VAV3: variants seen among roughly 807,000 people sequenced by gnomAD.
VAV3 encodes guanine nucleotide exchange factor VAV3.
Under a neutral mutation model 131.2 loss-of-function variants are expected in VAV3, and 94 were observed. The observed-to-expected ratio is 0.72, with a 90% CI of 0.61 to 0.85. VAV3 has a LOEUF of 0.85. Among genes scored for constraint, VAV3 ranks in the 40% least tolerant of loss-of-function variants. The probability of loss-of-function intolerance (pLI) is 0.00; values close to 1 mark genes in which losing one functional copy is unlikely to be tolerated. For missense variants in VAV3, 939 were observed against 1,002.7 expected, an observed-to-expected ratio of 0.94 and a Z score of 0.86; for synonymous variants, 349 against 342.0, an observed-to-expected ratio of 1.02 and a Z score of -0.22.
chr1:107,933,872 A>T (rs979230351), intron 1 of VAV3, among the ~76,000 whole-genome samples: 1 of 152,036 alleles, frequency 6.6e-6, no homozygotes, highest in African/African-American at 2.4e-5. Context: ...TTTAAAAAGC[A>T]TGCTATCTGT....
intron 18 of VAV3, among the ~76,000 whole-genome samples, chr1:107,687,995 G>A (rs945277191): frequency 4.6e-5 from 7 of 152,046 alleles, no homozygotes; most frequent in African/African-American, 9.7e-5. Context: ...GATGAACAAC[G>A]TTAGAATTTG....
chr1:107,623,638 T>C (rs1418537447), intron 20 of VAV3, among the ~76,000 whole-genome samples: 1 of 152,232 alleles, frequency 6.6e-6, no homozygotes, highest in Non-Finnish European at 1.5e-5. Context: ...ATATGCATTT[T>C]CTATCAGTGA....
intron 5 of VAV3, among the ~76,000 whole-genome samples, chr1:107,771,225 T>C (rs1425676520): frequency 1.3e-5 from 2 of 151,642 alleles, no homozygotes; most frequent in African/African-American, 2.4e-5. Context: ...TCTGATGGAA[T>C]TGGGTTCAAC....
At chr1:107,751,411 A>G (rs1004019501) in intron 12 of VAV3, among the ~76,000 whole-genome samples, 1 of 152,260 alleles carries the variant, frequency 6.6e-6, no homozygotes, top group Non-Finnish European at 1.5e-5. Flanking sequence ...TGTCAAGGAC[A>G]TCAATTGATT....
chr1:107,602,304 AG>A, intron 24 of VAV3, 92 bp downstream of exon 24: 3 of 894,218 alleles, frequency 3.4e-6, no homozygotes, highest in Non-Finnish European at 4.8e-6. Context: ...CTTTTCAGTG[AG>A]CAAAATTTCC....
intron 1 of VAV3, among the ~76,000 whole-genome samples, chr1:107,938,203 G>A (rs1219337201): frequency 1.3e-5 from 2 of 152,134 alleles, no homozygotes; most frequent in Non-Finnish European, 2.9e-5. Context: ...CCCTACAGAA[G>A]AGGAGGCGAT....
intron 25 of VAV3, among the ~76,000 whole-genome samples, chr1:107,582,924 A>T (rs1031168022): frequency 6.6e-6 from 1 of 152,028 alleles, no homozygotes; most frequent in Non-Finnish European, 1.5e-5. Context: ...TTGGGTATAT[A>T]CCCAGTAATG....
At chr1:107,708,183 C>T (rs1350565883) in intron 15 of VAV3, among the ~76,000 whole-genome samples, 1 of 151,932 alleles carries the variant, frequency 6.6e-6, no homozygotes, top group Non-Finnish European at 1.5e-5. Context: ...ATTGACATCA[C>T]ATTTAGTTGA....
At chr1:107,676,128 G>C (rs72975682) in intron 19 of VAV3, among the ~76,000 whole-genome samples, 232 of 152,262 alleles carry the variant, frequency 1.5e-3, no homozygotes, top group African/African-American at 5.4e-3. Context: ...CTAAAACCAA[G>C]CCTCTCTTTC....
At chr1:107,633,010 A>G (rs1489051257) in intron 20 of VAV3, among the ~76,000 whole-genome samples, 2 of 152,204 alleles carry the variant, frequency 1.3e-5, no homozygotes, top group African/African-American at 4.8e-5. Flanking sequence ...TAGAAAGAAT[A>G]GGAGGCAGTA....
At chr1:107,946,844 T>A (rs1029813576) in intron 1 of VAV3, among the ~76,000 whole-genome samples, 4 of 152,246 alleles carry the variant, frequency 2.6e-5, no homozygotes, top group African/African-American at 9.6e-5. Flanking sequence ...GAAATAGACA[T>A]TAATAACACC....
chr1:107,879,166 T>C (rs915560256), intron 1 of VAV3, among the ~76,000 whole-genome samples: 2 of 152,162 alleles, frequency 1.3e-5, no homozygotes, highest in African/African-American at 4.8e-5. Context: ...TTGTCCCAGG[T>C]CCATCTCACA....
Position 107,596,233 on chromosome 1 carries a change from C to G in VAV3, c.2329G>C (p.Gly777Arg), listed in dbSNP as rs540470156. Residue 777 changes from glycine (G) to arginine (R), a missense_variant, in exon 25 of 27, where the codon GGT (glycine) becomes CGT (arginine). Coordinates refer to ENST00000370056, the MANE Select transcript of VAV3 (RefSeq NM_006113.5). Reference sequence around the variant, plus strand: ...TTACAGCTGTTGCCTGCTCTATTACCCCTCTGTCCAGCTGAATGTTCTGGC... The same window carrying G: ...TTACAGCTGTTGCCTGCTCTATTACGCCTCTGTCCAGCTGAATGTTCTGGC... ...KEPEHSAGQR[G>R]NRAGNSLLSP... 2 of 1,613,240 alleles carry G rather than the reference C, an allele frequency of 1.2e-6. No homozygotes were observed. The highest frequency in any genetic ancestry group is 1.7e-5 in the Admixed American group (1 of 59,982).
intron 2 of VAV3, among the ~76,000 whole-genome samples, chr1:107,798,801 T>C (rs1207816531): frequency 1.3e-5 from 2 of 151,438 alleles, no homozygotes; most frequent in Admixed American, 6.6e-5. Flanking sequence ...GAAACTGCTA[T>C]GAAATTGCGC....
rs187670432 is a variant in VAV3 at position 107,807,820 on chromosome 1, C to T, written c.322-28328G>A. Among the ~76,000 whole-genome samples the T allele has an allele frequency of 4.7e-4, 72 of 152,118 alleles. 1 individual carries two copies. The East Asian group carries it at 0.013, about 27-fold the overall frequency. The stretch of plus-strand genomic sequence containing the variant: ...ATAACATGCTTGTTAGATCTTTTTT[C>T]CTATTTTGCAGTGAAGGCAGCAATA... On this transcript the variant is annotated intron_variant, in intron 2 of 26. Transcript: ENST00000370056.
chr1:107,650,370 G>A (rs959456745), intron 19 of VAV3, among the ~76,000 whole-genome samples: 1 of 151,312 alleles, frequency 6.6e-6, no homozygotes, highest in Non-Finnish European at 1.5e-5. Context: ...CCAACCCAAG[G>A]GAAAAAATAA....
At chr1:107,678,981 T>C (rs1452888502) in intron 19 of VAV3, among the ~76,000 whole-genome samples, 1 of 152,170 alleles carries the variant, frequency 6.6e-6, no homozygotes, top group African/African-American at 2.4e-5. Flanking sequence ...ACTTTGTGTC[T>C]ATATCTATTC....
chr1:107,825,082 T>C (rs1055252551), intron 2 of VAV3, among the ~76,000 whole-genome samples: 9 of 152,214 alleles, frequency 5.9e-5, no homozygotes, highest in Non-Finnish European at 7.3e-5. Flanking sequence ...CACTCACTTA[T>C]GTGCTGTCTA....
intron 3 of VAV3, 137 bp downstream of exon 3, chr1:107,779,297 G>C: frequency 1.6e-6 from 1 of 606,792 alleles, no homozygotes; most frequent in East Asian, 3.4e-5. Flanking sequence ...ACGTGTACGG[G>C]ATACTTACAT....
Sources: gnomAD v4.1 joint callset for allele counts (sites outside exome capture counted in the v4.1 genomes callset) on GRCh38, gnomAD v4.1.1 for gene constraint, MANE v1.5 for transcripts, NCBI Gene and HGNC (gene_info 2026-07-23, HGNC 2026-07-21) for gene names.